F10: variants seen among roughly 807,000 people sequenced by gnomAD.
The protein encoded by F10 is Stuart-Prower factor.
A neutral mutation model predicts 37.1 loss-of-function variants in F10; 29 were observed. The observed-to-expected ratio is 0.78, with a 90% CI of 0.58 to 1.07. The LOEUF is 1.07. F10 is among the 50% of genes least tolerant of loss of function. The pLI, the probability that F10 is intolerant of heterozygous loss-of-function variation, is 0.00. For synonymous variants in F10, 262 were observed against 268.6 expected, an observed-to-expected ratio of 0.98 and a Z score of 0.24; for missense variants, 539 against 667.9, an observed-to-expected ratio of 0.81 and a Z score of 2.13.
chr13:113,130,322 A>G (rs1037058173), intron 2 of F10: 1 of 154,756 alleles, frequency 6.5e-6, no homozygotes, highest in South Asian at 2.0e-4. Context: ...CGCGCGGAAG[A>G]CGCTACCCTC....
At position 113,144,556 on chromosome 13, in the gene F10, G is replaced by T. The variant is rs879761939; in HGVS notation, c.747+461G>T. On this transcript the variant is annotated intron_variant, in intron 6 of 7. Transcript: ENST00000375559. This position sits in a 1 kb window ranked among gnomAD's most constrained non-coding sequence, Gnocchi z 6.4. ...TGCCGGGTGGGCAAGGCCTCCATCT[G>T]CTCTTCTGTTTGACGGGAGGCAGAA... Among the ~76,000 whole-genome samples the T allele has an allele frequency of 6.6e-6, 1 of 152,236 alleles. No homozygotes were observed. Among genetic ancestry groups the T allele is most frequent in the Non-Finnish European group, 1.5e-5 (1 of 68,042 alleles).
rs3211783 is a variant in F10 at position 113,143,922 on chromosome 13, G to C, written c.574G>C (p.Gly192Arg). 42 of 1,613,412 alleles carry C rather than the reference G, an allele frequency of 2.6e-5. No homozygotes were observed. The highest frequency in any genetic ancestry group is 3.4e-5 in the Non-Finnish European group (40 of 1,179,992). Residue 192 changes from glycine (G) to arginine (R), a missense_variant, in exon 6 of 8, where the codon GGG (glycine) becomes CGG (arginine). Gly to Arg is a moderately radical substitution (Grantham distance 125). Transcript: ENST00000375559. The surrounding 1 kb of genome is among the most constrained non-coding windows in gnomAD (Gnocchi z 6.8). ...RSVAQATSSSGEAPDSITWKP... is the reference protein window; with the variant it reads ...RSVAQATSSSREAPDSITWKP... Reference sequence around the variant, plus strand: ...AGTGGCCCAGGCCACCAGCAGCAGCGGGGAGGCCCCTGACAGCATCACATG... The same window carrying C: ...AGTGGCCCAGGCCACCAGCAGCAGCCGGGAGGCCCCTGACAGCATCACATG...
intron 4 of F10, 87 bp from the exon 5 acceptor site, chr13:113,140,832 G>A: frequency 6.2e-7 from 1 of 1,603,066 alleles, no homozygotes; most frequent in Non-Finnish European, 8.5e-7. Context: ...GTGGCTGACA[G>A]GCAAGTGGAT....
chr13:113,133,644 C>G (rs980119775), intron 2 of F10, among the ~76,000 whole-genome samples: 9 of 152,158 alleles, frequency 5.9e-5, no homozygotes, highest in Non-Finnish European at 1.0e-4. Context: ...TCTTCCAGAA[C>G]ATAGAAGAGG....
rs755110383 is a variant in F10, at chr13:113,149,086, C to T, written c.1036C>T (p.Arg346Cys). Residue 346 changes from arginine to cysteine, a missense_variant, in exon 8 of 8, where the codon CGT becomes TGT. This residue lies in a region of F10 where 409 missense variants were observed against 547.9 expected (regional missense o/e 0.75). Coordinates refer to ENST00000375559, the MANE Select transcript of F10 (RefSeq NM_000504.4). This position sits in a 1 kb window ranked among gnomAD's most constrained non-coding sequence, Gnocchi z 7.5. Reference protein sequence around the residue: ...MNVAPACLPERDWAESTLMTQ... With the variant: ...MNVAPACLPECDWAESTLMTQ... The stretch of plus-strand genomic sequence containing the variant: ...CGTGGCGCCTGCCTGCCTCCCCGAG[C>T]GTGACTGGGCCGAGTCCACGCTGAT... The T allele has an allele frequency of 2.5e-6, 4 of 1,613,122 alleles. No individual in the cohort carries two copies. Among genetic ancestry groups the T allele is most frequent in the East Asian group, 2.2e-5 (1 of 44,892 alleles).
In F10 at chr13:113,140,763, T is replaced by C. The variant is rs1182252413; in HGVS notation, c.371-156T>C. ...TCCCCGTGACCCGTGAGGTTGCCCTTCAAGGCAAGTGTACCTGTCGCCTGG... is the reference window on the plus strand; with the variant it reads ...TCCCCGTGACCCGTGAGGTTGCCCTCCAAGGCAAGTGTACCTGTCGCCTGG... On this transcript the variant is annotated intron_variant, in intron 4 of 7. Transcript: ENST00000375559. 3.5e-6 allele frequency: 4 copies of C among 1,139,978 alleles called. No homozygotes were observed. In the African/African-American group the frequency reaches 6.1e-5, roughly 17 times the overall value. 70.6% of individuals were successfully genotyped at this position (1,139,978 alleles called of 1,614,324 possible).
In F10 at chr13:113,148,363, T is replaced by TACAC. The variant is rs56165023; in HGVS notation, c.866-553_866-552insACAC. On this transcript the variant is annotated intron_variant, in intron 7 of 7. Transcript: ENST00000375559. ...AAAAAAAAATATATATATATATATATGTATATATATATGTGTATATATATA... is the reference window on the plus strand; with the variant it reads ...AAAAAAAAATATATATATATATATATACACGTATATATATATGTGTATATATATA... Among the ~76,000 whole-genome samples, 423 of 110,292 alleles carry TACAC rather than the reference T, an allele frequency of 3.8e-3. 1 individual carries two copies. Among genetic ancestry groups the TACAC allele is most frequent in the African/African-American group, 0.014 (405 of 29,710 alleles). 72.4% of individuals were successfully genotyped at this position (110,292 alleles called of 152,430 possible).
chr13:113,133,761 C>T (rs997258818), intron 2 of F10, among the ~76,000 whole-genome samples: 1 of 152,136 alleles, frequency 6.6e-6, no homozygotes, highest in Non-Finnish European at 1.5e-5. Context: ...TGAATCTAGA[C>T]ATAAAAATCC....
chr13:113,147,034 C>T (rs1413176486), intron 6 of F10, among the ~76,000 whole-genome samples: 3 of 152,322 alleles, frequency 2.0e-5, no homozygotes, highest in Admixed American at 1.3e-4. Context: ...CACAGACTGG[C>T]GTCTCCTGGT....
At position 113,143,700 on chromosome 13, in the gene F10, C is replaced by T. The variant is rs1044034975; in HGVS notation, c.503-151C>T. ...CTGCAGATCCGACCCCTGCCGACGA[C>T]GTGGGGCCTCGCCCTGCAAGCCCGC... On this transcript the variant is annotated intron_variant, in intron 5 of 7. Transcript: ENST00000375559. This position sits in a 1 kb window ranked among gnomAD's most constrained non-coding sequence, Gnocchi z 6.8. The T allele has an allele frequency of 8.4e-5, 96 of 1,143,672 alleles. No individual in the cohort carries two copies. The highest frequency in any genetic ancestry group is 1.7e-4 in the Admixed American group (7 of 40,518). The allele number at this position is 1,143,672 out of a possible 1,614,324, so 70.8% of individuals were successfully genotyped here.
chr13:113,149,324 C>A lies in F10; in HGVS notation c.1274C>A (p.Thr425Asn). ...CQGDSGGPHV[T>N]RFKDTYFVTG... ...GGGGACAGCGGGGGCCCGCACGTCACCCGCTTCAAGGACACCTACTTCGTG... is the reference window on the plus strand; with the variant it reads ...GGGGACAGCGGGGGCCCGCACGTCAACCGCTTCAAGGACACCTACTTCGTG... Residue 425 changes from threonine to asparagine, a missense_variant, in exon 8 of 8, where the codon ACC becomes AAC. Physicochemically the swap from Thr to Asn is moderately conservative, Grantham distance 65. Transcript: ENST00000375559. The surrounding 1 kb of genome is among the most constrained non-coding windows in gnomAD (Gnocchi z 7.5). 1 of 1,613,294 alleles carries A rather than the reference C, an allele frequency of 6.2e-7. No homozygotes were observed. Among genetic ancestry groups the A allele is most frequent in the South Asian group, 1.1e-5 (1 of 91,086 alleles).
chr13:113,140,768 G>A, intron 4 of F10, 151 bp from the exon 5 acceptor site: 1 of 1,176,458 alleles, frequency 8.5e-7, no homozygotes, highest in Non-Finnish European at 1.3e-6. Context: ...GCCCTTCAAG[G>A]CAAGTGTACC....
intron 2 of F10, among the ~76,000 whole-genome samples, chr13:113,135,263 G>C (rs890227652): frequency 6.6e-6 from 1 of 150,724 alleles, no homozygotes; most frequent in Non-Finnish European, 1.5e-5. Flanking sequence ...AAAAACAAAA[G>C]AAAAGAAAGA....
chr13:113,130,737 GTCACCCTGGAGA>G (rs1351160883), intron 2 of F10: 1 of 153,460 alleles, frequency 6.5e-6, no homozygotes, highest in Non-Finnish European at 1.5e-5. Flanking sequence ...CCTGACTGAT[GTCACCCTGGAGA>G]TCCATGCCAA....
At chr13:113,132,860 C>T (rs947696167) in intron 2 of F10, among the ~76,000 whole-genome samples, 11 of 152,118 alleles carry the variant, frequency 7.2e-5, no homozygotes, top group African/African-American at 2.7e-4. Context: ...TAAAGCATAC[C>T]TCAATAAAAA....
rs1206436490 is a variant in F10 at position 113,136,847 on chromosome 13, T to C, written c.232-1610T>C. Among the ~76,000 whole-genome samples, 237 of 33,466 alleles carry C rather than the reference T, an allele frequency of 7.1e-3. 100 individuals are homozygous for C. The highest frequency in any genetic ancestry group is 0.012 in the Non-Finnish European group (158 of 12,676). The allele number at this position is 33,466 out of a possible 152,430, so 22.0% of individuals were successfully genotyped here. A position where few individuals can be genotyped will look rare whatever the true frequency, so the allele number is the denominator to read the frequency against. ...TTGTATTTTTAGTAGAGACGGGGTT[T>C]CACCGTTTTAGCTGGGATGGTCTCG... On this transcript the variant is annotated intron_variant, in intron 2 of 7. Transcript: ENST00000375559.
At chr13:113,140,811 A>G (rs1167713150) in intron 4 of F10, 108 bp from the exon 5 acceptor site, 13 of 1,567,418 alleles carry the variant, frequency 8.3e-6, no homozygotes, top group Admixed American at 6.7e-5. Flanking sequence ...GCTCAACCCA[A>G]TGGCCGCTTT....
chr13:113,147,814 T>C (rs2036596353), intron 7 of F10, among the ~76,000 whole-genome samples: 1 of 152,072 alleles, frequency 6.6e-6, no homozygotes, highest in Non-Finnish European at 1.5e-5. Flanking sequence ...TCAGTGTCTT[T>C]TATTGGGAGC....
chr13:113,142,358 A>T (rs142513388), intron 5 of F10, among the ~76,000 whole-genome samples: 1 of 149,714 alleles, frequency 6.7e-6, no homozygotes, highest in Non-Finnish European at 1.5e-5. Context: ...TGGCCAACAC[A>T]GTGAAACCCC....
Sources: gnomAD v4.1 joint callset for allele counts (sites outside exome capture counted in the v4.1 genomes callset) on GRCh38, gnomAD v4.1.1 for gene constraint, gnomAD v4.1.1 regional missense constraint, Gnocchi (gnomAD v3.1) non-coding constraint, MANE v1.5 for transcripts, NCBI Gene and HGNC (gene_info 2026-07-23, HGNC 2026-07-21) for gene names.